Variants in SCD5 observed in about 807,000 individuals in gnomAD.
The protein encoded by SCD5 is acyl-CoA-desaturase 4.
SCD5 carries 20 observed loss-of-function variants against 30.4 expected under a neutral mutation model. The observed-to-expected ratio is 0.66, with a 90% confidence interval of 0.46 to 0.96. The LOEUF (loss-of-function observed/expected upper bound fraction) is 0.96. SCD5 is among the 40% of genes least tolerant of loss of function. The pLI is 0.00. For synonymous variants in SCD5, 173 were observed against 176.4 expected, an observed-to-expected ratio of 0.98 and a Z score of 0.16; for missense variants, 381 against 443.3, an observed-to-expected ratio of 0.86 and a Z score of 1.26.
intron 3 of SCD5, chr4:82,660,721 G>A: frequency 6.9e-7 from 1 of 1,454,284 alleles, no homozygotes. Flanking sequence ...GCCTCCTTGT[G>A]TCAACTGATT....
intron 3 of SCD5, among the ~76,000 whole-genome samples, chr4:82,647,480 G>C (rs906153): frequency 0.91 from 139,211 of 152,324 alleles, 63,691 homozygotes; most frequent in East Asian, 1. Flanking sequence ...ATGGGCTGAC[G>C]ATTTTTCTTG....
chr4:82,708,558 C>G (rs1720013837), intron 1 of SCD5, among the ~76,000 whole-genome samples: 1 of 152,172 alleles, frequency 6.6e-6, no homozygotes, highest in Non-Finnish European at 1.5e-5. Context: ...GTTGCCCATG[C>G]TTGCACCACA....
chr4:82,720,441 T>TACAAAAAAA (rs778480466), intron 1 of SCD5, among the ~76,000 whole-genome samples: 11,852 of 75,858 alleles, frequency 0.16, 1,646 homozygotes, highest in Non-Finnish European at 0.2. Flanking sequence ...AAGGCAAAAA[T>TACAAAAAAA]AAAAAAAAAA....
intron 3 of SCD5, among the ~76,000 whole-genome samples, chr4:82,674,777 G>A (rs1039647183): frequency 1.3e-5 from 2 of 152,088 alleles, no homozygotes; most frequent in African/African-American, 4.8e-5. Flanking sequence ...CCACATTTTG[G>A]TCATTATTCA....
chr4:82,796,687 C>T (rs999771305), intron 1 of SCD5, among the ~76,000 whole-genome samples: 1 of 152,138 alleles, frequency 6.6e-6, no homozygotes, highest in Non-Finnish European at 1.5e-5. Context: ...AGATAAGCCT[C>T]AATCCCCTAG....
chr4:82,696,491 G>A (rs192361865), intron 2 of SCD5, among the ~76,000 whole-genome samples: 3 of 152,292 alleles, frequency 2.0e-5, no homozygotes, highest in African/African-American at 4.8e-5. Context: ...GTTTCATTTC[G>A]TATCTTCATT....
chr4:82,777,531 GGT>G (rs1721770069), intron 1 of SCD5, among the ~76,000 whole-genome samples: 1 of 152,208 alleles, frequency 6.6e-6, no homozygotes. Context: ...CAGCTTAATA[GGT>G]GTGTGATGGT....
chr4:82,707,834 GGA>G (rs1720000169), intron 1 of SCD5, among the ~76,000 whole-genome samples: 1 of 152,178 alleles, frequency 6.6e-6, no homozygotes, highest in Admixed American at 6.5e-5. Context: ...CAGCCCCGTG[GGA>G]GATCTTGGGG....
At chr4:82,737,346 A>G (rs1250796808) in intron 1 of SCD5, among the ~76,000 whole-genome samples, 3 of 152,224 alleles carry the variant, frequency 2.0e-5, no homozygotes, top group East Asian at 3.8e-4. Flanking sequence ...TGCAGTAGAA[A>G]TAGTATTGCA....
At chr4:82,643,817 A>T (rs914723354) in intron 3 of SCD5, among the ~76,000 whole-genome samples, 1 of 152,232 alleles carries the variant, frequency 6.6e-6, no homozygotes, top group African/African-American at 2.4e-5. Context: ...TCTTTCCTGC[A>T]GTGACACCCA....
chr4:82,687,928 CA>C (rs1312771811), intron 2 of SCD5, among the ~76,000 whole-genome samples: 1 of 152,172 alleles, frequency 6.6e-6, no homozygotes, highest in African/African-American at 2.4e-5. Context: ...ACATAATTTC[CA>C]CTGGTTAGCA....
intron 2 of SCD5, among the ~76,000 whole-genome samples, chr4:82,689,333 T>G (rs1401498811): frequency 6.6e-5 from 10 of 152,174 alleles, no homozygotes; most frequent in Middle Eastern, 3.4e-3. Flanking sequence ...GCTGAGGATT[T>G]CAAGACCAGC....
intron 1 of SCD5, among the ~76,000 whole-genome samples, chr4:82,791,067 A>G (rs987343255): frequency 6.6e-6 from 1 of 152,042 alleles, no homozygotes; most frequent in African/African-American, 2.4e-5. Context: ...GTGAAACCCC[A>G]TCTCTACTAA....
intron 1 of SCD5, among the ~76,000 whole-genome samples, chr4:82,785,928 C>T (rs1469079127): frequency 1.3e-5 from 2 of 152,152 alleles, no homozygotes; most frequent in Non-Finnish European, 2.9e-5. Flanking sequence ...CAGAGATGAG[C>T]TTTATTGTAA....
intron 3 of SCD5, among the ~76,000 whole-genome samples, chr4:82,675,396 G>T (rs1728414591): frequency 6.6e-6 from 1 of 152,172 alleles, no homozygotes; most frequent in African/African-American, 2.4e-5. Flanking sequence ...CAGACTAGGG[G>T]ATGAATTGAG....
chr4:82,792,846 G>T (rs181346390), intron 1 of SCD5, among the ~76,000 whole-genome samples: 1 of 152,328 alleles, frequency 6.6e-6, no homozygotes, highest in Non-Finnish European at 1.5e-5. Context: ...GAACTAATTA[G>T]CAATGTCAGG....
At chr4:82,728,965 A>C (rs1046431137) in intron 1 of SCD5, among the ~76,000 whole-genome samples, 1 of 152,292 alleles carries the variant, frequency 6.6e-6, no homozygotes, top group African/African-American at 2.4e-5. Context: ...GAGGGCTGCA[A>C]AGAAGATGTG....
At chr4:82,650,448 A>G (rs1003888785) in intron 3 of SCD5, among the ~76,000 whole-genome samples, 1 of 152,200 alleles carries the variant, frequency 6.6e-6, no homozygotes, top group Non-Finnish European at 1.5e-5. Context: ...TAATCCCAGC[A>G]CTTTGGGAGG....
At chr4:82,727,260 G>A (rs1720522329) in intron 1 of SCD5, among the ~76,000 whole-genome samples, 1 of 152,190 alleles carries the variant, frequency 6.6e-6, no homozygotes, top group South Asian at 2.1e-4. Flanking sequence ...TGCACCACCT[G>A]CATTGTCTCT....
Sources: gnomAD v4.1 joint callset for allele counts (sites outside exome capture counted in the v4.1 genomes callset) on GRCh38, gnomAD v4.1.1 for gene constraint, MANE v1.5 for transcripts, NCBI Gene and HGNC (gene_info 2026-07-23, HGNC 2026-07-21) for gene names.